PRKAR1B: variants seen among roughly 807,000 people sequenced by gnomAD.
PRKAR1B encodes the protein cAMP-dependent protein kinase type I-beta regulatory subunit.
In PRKAR1B, 22 loss-of-function variants were observed where a neutral mutation model predicts 46.5. The observed-to-expected ratio is 0.47, with a 90% confidence interval of 0.34 to 0.68. The LOEUF (loss-of-function observed/expected upper bound fraction) is 0.68, where lower values mean the gene tolerates loss of function less well. Ranked by LOEUF, PRKAR1B falls within the 30% of genes least tolerant of loss-of-function variation. PRKAR1B has a pLI of 0.01. For missense variants in PRKAR1B, 445 were observed against 535.6 expected, an observed-to-expected ratio of 0.83 and a Z score of 1.67; for synonymous variants, 259 against 217.7, an observed-to-expected ratio of 1.19 and a Z score of -1.67.
In PRKAR1B at chr7:551,475, G is replaced by C; in HGVS notation, c.892-5C>G. On this transcript the variant is annotated splice_polypyrimidine_tract_variant and splice_region_variant and intron_variant, in intron 9 of 10. Coordinates refer to ENST00000537384, the MANE Select transcript of PRKAR1B (RefSeq NM_001164760.2). ...CTGCAGCACGGACGCGGTGCCCTGT[G>C]GGTGGAGGTGGACAGACGTGAGTGC... 6.4e-7 allele frequency: 1 copy of C among 1,552,540 alleles called. No individual in the cohort carries two copies. Among genetic ancestry groups the C allele is most frequent in the Non-Finnish European group, 8.7e-7 (1 of 1,147,868 alleles).
At position 711,449 on chromosome 7, in the gene PRKAR1B, C is replaced by G; in HGVS notation, c.57G>C (p.Glu19Asp). Residue 19 changes from glutamate to aspartate, a missense_variant, in exon 2 of 11, where the codon GAG becomes GAC. This residue lies in a region of PRKAR1B where 155 missense variants were observed against 127.5 expected (regional missense o/e 1.22). Coordinates refer to ENST00000537384, the MANE Select transcript of PRKAR1B (RefSeq NM_001164760.2). ...SEEDESLKGC[E>D]LYVQLHGIQQ... Reference sequence around the variant, plus strand: ...GGATCCCGTGCAGCTGCACGTACAGCTCACAGCCCTTCAGGCTCTCGTCCT... The same window carrying G: ...GGATCCCGTGCAGCTGCACGTACAGGTCACAGCCCTTCAGGCTCTCGTCCT... 1 of 1,614,216 alleles carries G rather than the reference C, an allele frequency of 6.2e-7. No individual in the cohort carries two copies. The highest frequency in any genetic ancestry group is 8.5e-7 in the Non-Finnish European group (1 of 1,180,036).
intron 2 of PRKAR1B, among the ~76,000 whole-genome samples, chr7:693,430 A>C (rs1562345624): frequency 6.7e-6 from 1 of 150,324 alleles, no homozygotes; most frequent in African/African-American, 2.4e-5. Flanking sequence ...CCAGCCCCCG[A>C]CAGCCCCGAA....
At chr7:656,265 G>A (rs1439080562) in intron 4 of PRKAR1B, among the ~76,000 whole-genome samples, 1 of 150,960 alleles carries the variant, frequency 6.6e-6, no homozygotes, top group Non-Finnish European at 1.5e-5. Context: ...TGGATGGGTG[G>A]GTGAATGCAT....
chr7:579,532 G>A (rs573592199), intron 8 of PRKAR1B, among the ~76,000 whole-genome samples, 155 bp from the exon 9 acceptor site: 66 of 152,328 alleles, frequency 4.3e-4, no homozygotes, highest in Admixed American at 9.1e-4. Flanking sequence ...AGGCCGTGAC[G>A]CTGTCCCCCA....
At chr7:651,691 G>A (rs555013317) in intron 4 of PRKAR1B, among the ~76,000 whole-genome samples, 11 of 149,240 alleles carry the variant, frequency 7.4e-5, no homozygotes, top group East Asian at 6.0e-4. Flanking sequence ...CCCACACAGC[G>A]CTAGGAACCT....
intron 9 of PRKAR1B, among the ~76,000 whole-genome samples, chr7:556,425 C>T (rs1054148500): frequency 1.3e-4 from 19 of 151,354 alleles, no homozygotes; most frequent in African/African-American, 3.2e-4. Flanking sequence ...CGGCGGCCTT[C>T]GGATAATTAG....
In PRKAR1B at chr7:550,507, G is replaced by A. The variant is rs756349133; in HGVS notation, c.1069C>T (p.Arg357Cys). 5.0e-6 allele frequency: 8 copies of A among 1,601,688 alleles called. No individual in the cohort carries two copies. The highest frequency in any genetic ancestry group is 6.0e-6 in the Non-Finnish European group (7 of 1,174,772). The change falls in exon 11 of 11, where the codon CGT becomes TGT. Residue 357 changes from arginine to cysteine, a missense_variant. Physicochemically the swap from Arg to Cys is radical, Grantham distance 180. Coordinates refer to ENST00000537384, the MANE Select transcript of PRKAR1B (RefSeq NM_001164760.2). ...ATCTCAGAGCAGGGCCCCAGCACAC[G>A]CTCGAAGCGGGGCCGGTCCAGCTTC... ...CVKLDRPRFERVLGPCSEILK... is the reference protein window; with the variant it reads ...CVKLDRPRFECVLGPCSEILK...
At chr7:677,417 C>T in intron 3 of PRKAR1B, 97 bp from the exon 4 acceptor site, 1 of 988,670 alleles carries the variant, frequency 1.0e-6, no homozygotes, top group Non-Finnish European at 1.6e-6. Flanking sequence ...CTGCTGTTAT[C>T]AGGCAATGGT....
chr7:556,498 C>T (rs958681512), intron 9 of PRKAR1B, among the ~76,000 whole-genome samples: 3 of 152,238 alleles, frequency 2.0e-5, no homozygotes, highest in Non-Finnish European at 2.9e-5. Context: ...GTCAATAACG[C>T]GGAACAGTCT....
At chr7:576,858 C>T (rs564781555) in intron 9 of PRKAR1B, among the ~76,000 whole-genome samples, 19 of 152,194 alleles carry the variant, frequency 1.2e-4, no homozygotes, top group Middle Eastern at 3.4e-3. Flanking sequence ...TGCAGGGGCC[C>T]GAGCCTGGGT....
At chr7:596,055 G>A (rs1249527253) in intron 7 of PRKAR1B, 91 bp downstream of exon 7, 1 of 1,490,494 alleles carries the variant, frequency 6.7e-7, no homozygotes, top group African/African-American at 1.4e-5. Context: ...TTTTCTCCAG[G>A]TGCATCCCCA....
intron 4 of PRKAR1B, among the ~76,000 whole-genome samples, chr7:648,225 A>C (rs1280907661): frequency 1.3e-5 from 2 of 152,180 alleles, no homozygotes; most frequent in Non-Finnish European, 2.9e-5. Flanking sequence ...TTTCATTACA[A>C]GTTTAGGTAG....
At chr7:678,864 T>C (rs377139626) in intron 3 of PRKAR1B, among the ~76,000 whole-genome samples, 22 of 152,322 alleles carry the variant, frequency 1.4e-4, no homozygotes, top group African/African-American at 4.8e-4. Flanking sequence ...GGCAGGTGGA[T>C]CACCTGAGGT....
chr7:714,571 A>T lies in PRKAR1B; in HGVS notation c.-22-3044T>A, dbSNP rs1038900324. On this transcript the variant is annotated intron_variant, in intron 1 of 10. Coordinates refer to ENST00000537384, the MANE Select transcript of PRKAR1B (RefSeq NM_001164760.2). The surrounding 1 kb of genome is among the most constrained non-coding windows in gnomAD (Gnocchi z 4.3). ...TTTCACACTTTTCCCCGCCACTCAGATCCCTGTTCCAGTGGCCCCCACCCC... is the reference window on the plus strand; with the variant it reads ...TTTCACACTTTTCCCCGCCACTCAGTTCCCTGTTCCAGTGGCCCCCACCCC... Among the ~76,000 whole-genome samples, 7 of 152,124 alleles carry T rather than the reference A, an allele frequency of 4.6e-5. No homozygotes were observed. The highest frequency in any genetic ancestry group is 1.0e-4 in the Non-Finnish European group (7 of 68,020).
chr7:633,196 T>C (rs1783865089), intron 4 of PRKAR1B, among the ~76,000 whole-genome samples: 1 of 152,120 alleles, frequency 6.6e-6, no homozygotes, highest in Non-Finnish European at 1.5e-5. Context: ...TGATGTCAAA[T>C]GAAAAACACC....
intron 4 of PRKAR1B, among the ~76,000 whole-genome samples, chr7:669,560 T>TC (rs986067364): frequency 1.3e-5 from 2 of 151,852 alleles, no homozygotes; most frequent in African/African-American, 2.4e-5. Context: ...GGTCAGGAGT[T>TC]CAAGACCAGC....
At chr7:587,004 C>T (rs1780642210) in intron 7 of PRKAR1B, among the ~76,000 whole-genome samples, 1 of 152,134 alleles carries the variant, frequency 6.6e-6, no homozygotes, top group East Asian at 1.9e-4. Context: ...CTGCCTCAGC[C>T]TCCGGAGTAG....
chr7:621,052 C>A (rs144758240), intron 4 of PRKAR1B, among the ~76,000 whole-genome samples: 1 of 152,362 alleles, frequency 6.6e-6, no homozygotes, highest in Non-Finnish European at 1.5e-5. Flanking sequence ...CTACAATCTA[C>A]TAATATGGTG....
chr7:681,640 G>A (rs575415151), intron 2 of PRKAR1B, among the ~76,000 whole-genome samples: 22 of 152,304 alleles, frequency 1.4e-4, no homozygotes, highest in African/African-American at 5.1e-4. Flanking sequence ...AACGACCATG[G>A]TTGTGTCCTC....
Sources: gnomAD v4.1 joint callset for allele counts (sites outside exome capture counted in the v4.1 genomes callset) on GRCh38, gnomAD v4.1.1 for gene constraint, gnomAD v4.1.1 regional missense constraint, Gnocchi (gnomAD v3.1) non-coding constraint, MANE v1.5 for transcripts, NCBI Gene and HGNC (gene_info 2026-07-23, HGNC 2026-07-21) for gene names.